ROR1: variants seen among roughly 807,000 people sequenced by gnomAD.
ROR1 encodes the protein ROR family WNT receptor 1, also known as inactive tyrosine-protein kinase transmembrane receptor ROR1.
Under a neutral mutation model 78.8 loss-of-function variants are expected in ROR1, and 19 were observed. The ratio of observed to expected loss-of-function variants is 0.24; its 90% CI spans 0.17 to 0.35. The LOEUF is 0.35. Among genes scored for constraint, ROR1 ranks in the 10% least tolerant of loss-of-function variants. ROR1 has a pLI of 1.00. For synonymous variants in ROR1, 386 were observed against 433.6 expected, an observed-to-expected ratio of 0.89 and a Z score of 1.36; for missense variants, 917 against 1,177.8, an observed-to-expected ratio of 0.78 and a Z score of 3.24.
intron 1 of ROR1, among the ~76,000 whole-genome samples, chr1:63,957,556 G>A (rs1645993557): frequency 6.6e-6 from 1 of 152,098 alleles, no homozygotes; most frequent in Non-Finnish European, 1.5e-5. Context: ...GAGGGAGTGG[G>A]AGAGTGGCTG....
chr1:64,160,154 T>C (rs7515887), intron 8 of ROR1, among the ~76,000 whole-genome samples: 50,120 of 151,838 alleles, frequency 0.33, 8,680 homozygotes, highest in Middle Eastern at 0.41. Context: ...ATTCTTTTGA[T>C]CCTCATAAAG....
Position 63,945,143 on chromosome 1 carries a change from C to T in ROR1, c.92-64162C>T, listed in dbSNP as rs77267403. On this transcript the variant is annotated intron_variant, in intron 1 of 8. Transcript: ENST00000371079. ...TGCAAATTATGGGAAAAGGTTAAAA[C>T]GACCCACATTAGTATGGTCCTCTGT... Among the ~76,000 whole-genome samples, 950 of 152,206 alleles carry T rather than the reference C, an allele frequency of 6.2e-3. 10 individuals are homozygous for T. Among genetic ancestry groups the T allele is most frequent in the African/African-American group, 0.022 (898 of 41,528 alleles).
chr1:64,133,026 T>A (rs10159381), intron 4 of ROR1, among the ~76,000 whole-genome samples: 2 of 152,048 alleles, frequency 1.3e-5, no homozygotes, highest in Non-Finnish European at 2.9e-5. Flanking sequence ...AGGTGGGCGC[T>A]AAACAGATAA....
At chr1:63,967,579 G>A (rs914914371) in intron 1 of ROR1, among the ~76,000 whole-genome samples, 1 of 152,116 alleles carries the variant, frequency 6.6e-6, no homozygotes, top group Admixed American at 6.5e-5. Flanking sequence ...CATCAACCCT[G>A]TTGGGTTCAC....
chr1:64,006,624 T>C (rs893379645), intron 1 of ROR1, among the ~76,000 whole-genome samples: 1 of 152,178 alleles, frequency 6.6e-6, no homozygotes, highest in African/African-American at 2.4e-5. Context: ...TCTTTTTGTT[T>C]TCATATTTTG....
intron 5 of ROR1, 56 bp downstream of exon 5, chr1:64,137,552 A>C: frequency 6.4e-7 from 1 of 1,558,976 alleles, no homozygotes; most frequent in Non-Finnish European, 8.7e-7. Flanking sequence ...TTTCTCGCCA[A>C]AAGTTTTATT....
In ROR1 at chr1:63,811,936, C is replaced by G. The variant is rs570476308; in HGVS notation, c.91+37428C>G. The stretch of plus-strand genomic sequence containing the variant: ...ATCAAGTCCAATAAGCTAAAGAAGG[C>G]TTTCGGGAAATAAAACCAGAGGTGT... On this transcript the variant is annotated intron_variant, in intron 1 of 8. Coordinates refer to ENST00000371079, the MANE Select transcript of ROR1 (RefSeq NM_005012.4). Among the ~76,000 whole-genome samples, 32 of 147,566 alleles carry G rather than the reference C, an allele frequency of 2.2e-4. No individual in the cohort carries two copies. In the South Asian group the frequency reaches 6.3e-3, roughly 29 times the overall value.
intron 4 of ROR1, chr1:64,108,345 C>A (rs1464193856): frequency 7.8e-6 from 1 of 127,616 alleles, no homozygotes; most frequent in Non-Finnish European, 1.6e-5. Flanking sequence ...TGCAGTGAGC[C>A]GAGATCACAC....
At chr1:63,806,011 G>A (rs647389) in intron 1 of ROR1, among the ~76,000 whole-genome samples, 52,046 of 152,104 alleles carry the variant, frequency 0.34, 12,202 homozygotes, top group African/African-American at 0.68. Flanking sequence ...AAAGCGAGAC[G>A]CTGTCTCAAA....
At chr1:64,167,985 G>C (rs1244737539) in intron 8 of ROR1, among the ~76,000 whole-genome samples, 1 of 152,198 alleles carries the variant, frequency 6.6e-6, no homozygotes, top group African/African-American at 2.4e-5. Flanking sequence ...GACATTCTTG[G>C]ATTTGAATCT....
intron 1 of ROR1, among the ~76,000 whole-genome samples, chr1:63,937,789 A>C (rs1327253049): frequency 6.6e-6 from 1 of 152,210 alleles, no homozygotes; most frequent in East Asian, 1.9e-4. Context: ...TTTAGTGTTC[A>C]TGTGACATGG....
chr1:63,793,598 TGA>T (rs1209485219), intron 1 of ROR1, among the ~76,000 whole-genome samples: 2 of 152,224 alleles, frequency 1.3e-5, no homozygotes, highest in Non-Finnish European at 2.9e-5. Flanking sequence ...CAGTGGTGAA[TGA>T]GACAGGGACC....
chr1:64,077,820 A>G (rs1647064458), intron 4 of ROR1, among the ~76,000 whole-genome samples: 2 of 152,262 alleles, frequency 1.3e-5, no homozygotes, highest in African/African-American at 4.8e-5. Context: ...CCATCAGCGT[A>G]GAACCAGCAT....
rs1445941924 is a variant in ROR1, at chr1:64,181,358, TC to T, written c.*2504del. 6.6e-6 allele frequency: 1 copy of T among 152,196 alleles called. No individual in the cohort carries two copies. The highest frequency in any genetic ancestry group is 6.5e-5 in the Admixed American group (1 of 15,286). 9.4% of individuals were successfully genotyped at this position (152,196 alleles called of 1,614,324 possible). On this transcript the variant is annotated 3_prime_UTR_variant, in exon 9 of 9. Coordinates refer to ENST00000371079, the MANE Select transcript of ROR1 (RefSeq NM_005012.4). Reference sequence around the variant, plus strand: ...TGTTTGATTTGTTATTATGGGCATTTCAAATAGGCAAGCATTGAATTGTAAT... The same window carrying T: ...TGTTTGATTTGTTATTATGGGCATTTAAATAGGCAAGCATTGAATTGTAAT...
intron 2 of ROR1, among the ~76,000 whole-genome samples, chr1:64,038,935 G>A (rs749177759): frequency 6.6e-6 from 1 of 152,168 alleles, no homozygotes; most frequent in Non-Finnish European, 1.5e-5. Context: ...AAAGAAAATA[G>A]TAGCTCCTTC....
chr1:64,159,034 C>T lies in ROR1; in HGVS notation c.1228C>T (p.Pro410Ser), dbSNP rs767151652. The T allele has an allele frequency of 2.5e-6, 4 of 1,614,030 alleles. No individual in the cohort carries two copies. The African/African-American group carries it at 5.3e-5, about 22-fold the overall frequency. ...AATGGAAATCCTGTACATACTAGTG[C>T]CAAGTGTGGCCATTCCCCTGGCCAT... ...NKMEILYILVPSVAIPLAIAL... is the reference protein window; with the variant it reads ...NKMEILYILVSSVAIPLAIAL... The change falls in exon 8 of 9, where the codon CCA becomes TCA. Residue 410 changes from proline (P) to serine (S), a missense_variant. Physicochemically the swap from Pro to Ser is moderately conservative, Grantham distance 74. Transcript: ENST00000371079.
intron 1 of ROR1, among the ~76,000 whole-genome samples, chr1:63,834,973 TG>T (rs1569790639): frequency 6.6e-6 from 1 of 152,100 alleles, no homozygotes; most frequent in Admixed American, 6.5e-5. Context: ...AATAATTGGC[TG>T]GGGCGGTTGG....
chr1:64,079,614 T>G (rs1351824019), intron 4 of ROR1, among the ~76,000 whole-genome samples: 1 of 151,918 alleles, frequency 6.6e-6, no homozygotes, highest in African/African-American at 2.4e-5. Context: ...TGGGATTAGC[T>G]GGGATTACAG....
intron 6 of ROR1, among the ~76,000 whole-genome samples, chr1:64,141,979 C>A (rs985816100): frequency 2.4e-4 from 37 of 152,136 alleles, no homozygotes; most frequent in African/African-American, 8.9e-4. Context: ...TAAGCATGTT[C>A]TGTGAATTAC....
Sources: allele counts gnomAD v4.1 joint callset (sites outside exome capture counted in the v4.1 genomes callset), GRCh38; gene constraint gnomAD v4.1.1; transcripts MANE v1.5; gene names NCBI Gene and HGNC (gene_info 2026-07-23, HGNC 2026-07-21).